FAM83B: variants seen among roughly 807,000 people sequenced by gnomAD.
FAM83B encodes protein FAM83B.
In FAM83B, 26 loss-of-function variants were observed where a neutral mutation model predicts 38.8. The ratio of observed to expected loss-of-function variants is 0.67; its 90% CI spans 0.49 to 0.93. The LOEUF is 0.93. Ranked by LOEUF, FAM83B falls within the 40% of genes least tolerant of loss-of-function variation. The pLI is 0.00. For synonymous variants in FAM83B, 419 were observed against 423.1 expected (o/e 0.99, Z 0.12); for missense variants, 1,237 against 1,197.3 (o/e 1.03, Z -0.49).
intron 1 of FAM83B, 55 bp from the exon 2 acceptor site, chr6:54,870,132 A>G (rs1234129202): frequency 2.6e-6 from 2 of 773,138 alleles, no homozygotes; most frequent in Non-Finnish European, 4.2e-6. Context: ...GTATCATAAA[A>G]CATTCTGTTA....
intron 4 of FAM83B, among the ~76,000 whole-genome samples, chr6:54,932,508 C>A (rs1014937153): frequency 3.3e-5 from 5 of 152,100 alleles, no homozygotes; most frequent in African/African-American, 1.2e-4. Flanking sequence ...ATTCTATGAA[C>A]CACATCTGCA....
At chr6:54,900,877 C>T (rs901901782) in intron 2 of FAM83B, among the ~76,000 whole-genome samples, 6 of 152,198 alleles carry the variant, frequency 3.9e-5, no homozygotes, top group African/African-American at 1.4e-4. Flanking sequence ...ACCACAAGCA[C>T]TGTATCCACA....
intron 4 of FAM83B, among the ~76,000 whole-genome samples, chr6:54,935,088 C>T (rs1481960652): frequency 6.6e-6 from 1 of 152,100 alleles, no homozygotes; most frequent in African/African-American, 2.4e-5. Context: ...TTAATGTAAA[C>T]CTTTTAAGTT....
intron 4 of FAM83B, among the ~76,000 whole-genome samples, chr6:54,929,259 T>G (rs1756614531): frequency 6.6e-6 from 1 of 152,158 alleles, no homozygotes; most frequent in South Asian, 2.1e-4. Flanking sequence ...GTGAATTTCC[T>G]TTTGGTTTAA....
chr6:54,910,596 T>A (rs1298945945), intron 2 of FAM83B, among the ~76,000 whole-genome samples: 1 of 152,164 alleles, frequency 6.6e-6, no homozygotes, highest in Non-Finnish European at 1.5e-5. Context: ...CTTGCTTGTT[T>A]TTTCTCTTGC....
intron 2 of FAM83B, among the ~76,000 whole-genome samples, chr6:54,883,420 C>T (rs9370336): frequency 0.44 from 64,649 of 147,952 alleles, 15,102 homozygotes; most frequent in East Asian, 0.83. Context: ...ACGCAACCTC[C>T]GCCTCCCAGG....
At chr6:54,864,160 T>A (rs952290201) in intron 1 of FAM83B, among the ~76,000 whole-genome samples, 1 of 152,118 alleles carries the variant, frequency 6.6e-6, no homozygotes, top group African/African-American at 2.4e-5. Context: ...TTGGGTATTT[T>A]TTTCCCCCAA....
chr6:54,855,793 T>C (rs1241604918), intron 1 of FAM83B, among the ~76,000 whole-genome samples: 2 of 152,208 alleles, frequency 1.3e-5, no homozygotes, highest in African/African-American at 4.8e-5. Flanking sequence ...ATCCTAAGTA[T>C]GTGTGTGGAT....
intron 2 of FAM83B, among the ~76,000 whole-genome samples, chr6:54,919,668 A>C (rs539426242): frequency 6.6e-6 from 1 of 152,126 alleles, no homozygotes; most frequent in African/African-American, 2.4e-5. Flanking sequence ...GTAATATATA[A>C]ATCAACTTTG....
chr6:54,939,950 G>A lies in FAM83B; in HGVS notation c.979G>A (p.Asp327Asn). ...CCAGAGAAACCTTTTTGGTAGACAA[G>A]ACAAGATTCATAAACTAGATTCCAG... ...SSQRNLFGRQ[D>N]KIHKLDSSYF... Residue 327 changes from aspartate (D) to asparagine (N), a missense_variant, in exon 5 of 5, where the codon GAC becomes AAC. Asp to Asn is a conservative substitution (Grantham distance 23). Transcript: ENST00000306858. The A allele has an allele frequency of 6.2e-7, 1 of 1,613,970 alleles. No individual in the cohort carries two copies. The highest frequency in any genetic ancestry group is 1.3e-5 in the African/African-American group (1 of 75,010).
chr6:54,929,706 CAT>C (rs1343665861), intron 4 of FAM83B, among the ~76,000 whole-genome samples: 2 of 152,060 alleles, frequency 1.3e-5, no homozygotes, highest in Non-Finnish European at 1.5e-5. Flanking sequence ...CTGCAACCAG[CAT>C]ACTGTTACTA....
chr6:54,852,349 C>T (rs1033673021), intron 1 of FAM83B, among the ~76,000 whole-genome samples: 4 of 152,188 alleles, frequency 2.6e-5, no homozygotes, highest in Non-Finnish European at 2.9e-5. Flanking sequence ...TTTCAAACTT[C>T]ATTATTATAA....
At chr6:54,890,971 T>TTGTG (rs1772388928) in intron 2 of FAM83B, among the ~76,000 whole-genome samples, 1 of 152,030 alleles carries the variant, frequency 6.6e-6, no homozygotes, top group South Asian at 2.1e-4. Flanking sequence ...AAAAATAAAG[T>TTGTG]TGTGATCTTG....
chr6:54,926,258 C>G, intron 2 of FAM83B, 113 bp from the exon 3 acceptor site: 1 of 540,306 alleles, frequency 1.9e-6, no homozygotes. Flanking sequence ...TATATACATA[C>G]ATATATGTAT....
chr6:54,918,934 A>T (rs2127586632), intron 2 of FAM83B, among the ~76,000 whole-genome samples: 1 of 152,218 alleles, frequency 6.6e-6, no homozygotes, highest in East Asian at 1.9e-4. Flanking sequence ...TCACAGAGCT[A>T]GATTATTCTA....
Position 54,927,494 on chromosome 6 carries a change from A to G in FAM83B, c.610-14A>G. On this transcript the variant is annotated splice_polypyrimidine_tract_variant and intron_variant, in intron 3 of 4. Transcript: ENST00000306858. Reference sequence around the variant, plus strand: ...TAGCCATAATGTCTGCTTTTTATTTACATATAATTCTAGAATATTCGAGTG... The same window carrying G: ...TAGCCATAATGTCTGCTTTTTATTTGCATATAATTCTAGAATATTCGAGTG... The G allele has an allele frequency of 1.9e-6, 3 of 1,561,854 alleles. No individual in the cohort carries two copies. Among genetic ancestry groups the G allele is most frequent in the Non-Finnish European group, 2.6e-6 (3 of 1,150,448 alleles).
At chr6:54,847,799 T>C (rs1771177273) in intron 1 of FAM83B, among the ~76,000 whole-genome samples, 1 of 152,118 alleles carries the variant, frequency 6.6e-6, no homozygotes, top group Non-Finnish European at 1.5e-5. Flanking sequence ...TTATAGGGTC[T>C]CTCTGACCTA....
intron 1 of FAM83B, among the ~76,000 whole-genome samples, chr6:54,852,584 T>C (rs1171782283): frequency 6.6e-6 from 1 of 152,200 alleles, no homozygotes; most frequent in Non-Finnish European, 1.5e-5. Flanking sequence ...TTCAAGGGAA[T>C]GGAAGAGTTG....
chr6:54,849,049 G>A (rs1771205082), intron 1 of FAM83B, among the ~76,000 whole-genome samples: 1 of 152,164 alleles, frequency 6.6e-6, no homozygotes, highest in South Asian at 2.1e-4. Flanking sequence ...TCTGGAGATG[G>A]AATGTATTTT....
Sources: allele counts gnomAD v4.1 joint callset (sites outside exome capture counted in the v4.1 genomes callset), GRCh38; gene constraint gnomAD v4.1.1; transcripts MANE v1.5; gene names NCBI Gene and HGNC (gene_info 2026-07-23, HGNC 2026-07-21).